AMPH: variants seen among roughly 807,000 people sequenced by gnomAD.
AMPH encodes amphiphysin (Stiff-Mann syndrome with breast cancer 128kD autoantigen).
Under a neutral mutation model 99.1 loss-of-function variants are expected in AMPH, and 49 were observed. That is an observed-to-expected ratio of 0.49 (90% confidence interval 0.39 to 0.63). The LOEUF (loss-of-function observed/expected upper bound fraction) is 0.63. Ranked by LOEUF, AMPH falls within the 20% of genes least tolerant of loss-of-function variation. AMPH has a pLI of 0.00. For missense variants in AMPH, 759 were observed against 863.4 expected (o/e 0.88, Z 1.52); for synonymous variants, 314 against 317.3 (o/e 0.99, Z 0.11).
chr7:38,530,621 C>T (rs1303212112), intron 2 of AMPH, among the ~76,000 whole-genome samples: 2 of 152,202 alleles, frequency 1.3e-5, no homozygotes, highest in African/African-American at 2.4e-5. Context: ...AATTAGCACA[C>T]TTGCCACAGG....
intron 1 of AMPH, among the ~76,000 whole-genome samples, chr7:38,597,172 T>C (rs907580824): frequency 5.3e-5 from 8 of 152,238 alleles, no homozygotes; most frequent in African/African-American, 1.4e-4. Flanking sequence ...CAGCCCATGG[T>C]TTTCATACAA....
chr7:38,557,426 T>C (rs1465416262), intron 1 of AMPH, among the ~76,000 whole-genome samples: 3 of 152,164 alleles, frequency 2.0e-5, no homozygotes, highest in Non-Finnish European at 4.4e-5. Flanking sequence ...TTCTCATTGA[T>C]AGTGAGTGAG....
At chr7:38,512,422 A>T (rs888148900) in intron 2 of AMPH, among the ~76,000 whole-genome samples, 51 of 152,330 alleles carry the variant, frequency 3.3e-4, no homozygotes, top group African/African-American at 1.1e-3. Context: ...GGTACAGTCA[A>T]CCTGGGAATC....
In AMPH at chr7:38,591,323, T is replaced by C. The variant is rs187385988; in HGVS notation, c.69+39960A>G. 3.3e-3 allele frequency among the ~76,000 whole-genome samples: 499 copies of C among 151,242 alleles called. 3 individuals carry two copies. The highest frequency in any genetic ancestry group is 0.011 in the African/African-American group (471 of 41,160). On this transcript the variant is annotated intron_variant, in intron 1 of 20. Transcript: ENST00000356264. ...TTTTTTTGAGATGGAGTTCCTCTCT[T>C]GTCACCCAGGCTAGAGTGCAATGGC...
chr7:38,454,791 C>T (rs537091765), intron 11 of AMPH, among the ~76,000 whole-genome samples: 15 of 152,222 alleles, frequency 9.9e-5, no homozygotes, highest in African/African-American at 3.6e-4. Context: ...TATCGAAGTG[C>T]TGGTGAAGCA....
In AMPH at chr7:38,457,247, G is replaced by T. The variant is rs1028514580; in HGVS notation, c.1017+4036C>A. ...GACACTTCCAAAGAAACAAGATAAA[G>T]AATTCAAAATATTGCTTTTAAAGAA... On this transcript the variant is annotated intron_variant, in intron 11 of 20. Coordinates refer to ENST00000356264, the MANE Select transcript of AMPH (RefSeq NM_001635.4). Among the ~76,000 whole-genome samples the T allele has an allele frequency of 1.3e-5, 2 of 152,046 alleles. 1 individual carries two copies. Among genetic ancestry groups the T allele is most frequent in the Admixed American group, 1.3e-4 (2 of 15,268 alleles).
chr7:38,593,122 C>T (rs17498976), intron 1 of AMPH, among the ~76,000 whole-genome samples: 44,532 of 152,098 alleles, frequency 0.29, 6,853 homozygotes, highest in Non-Finnish European at 0.34. Flanking sequence ...ACTTGGCACA[C>T]AGTAGAGGCA....
At chr7:38,417,723 T>C in intron 17 of AMPH, 102 bp downstream of exon 17, 1 of 1,473,102 alleles carries the variant, frequency 6.8e-7, no homozygotes, top group South Asian at 1.3e-5. Flanking sequence ...TGGAGCATGT[T>C]TGGCCCAAGT....
intron 20 of AMPH, 93 bp from the exon 21 acceptor site, chr7:38,385,018 T>C: frequency 8.5e-7 from 1 of 1,181,872 alleles, no homozygotes; most frequent in Non-Finnish European, 1.2e-6. Context: ...ATTAGTGTTG[T>C]GGTTCTGAAC....
rs368891396 is a variant in AMPH, at chr7:38,494,206, G to A, written c.300+227C>T. Among the ~76,000 whole-genome samples, 27 of 152,162 alleles carry A rather than the reference G, an allele frequency of 1.8e-4. 1 individual carries two copies. Among genetic ancestry groups the A allele is most frequent in the South Asian group, 1.2e-3 (6 of 4,824 alleles). The stretch of plus-strand genomic sequence containing the variant: ...ACTCCTGACCTCAGGCAATTCACCC[G>A]CCTCGTCCTCCCAAAGTGTTGGGAT... On this transcript the variant is annotated intron_variant, in intron 4 of 20. Coordinates refer to ENST00000356264, the MANE Select transcript of AMPH (RefSeq NM_001635.4).
At chr7:38,423,358 G>A (rs1204045820) in intron 15 of AMPH, among the ~76,000 whole-genome samples, 1 of 152,152 alleles carries the variant, frequency 6.6e-6, no homozygotes, top group African/African-American at 2.4e-5. Flanking sequence ...CCTCCAAACA[G>A]GAGACCCAGG....
At chr7:38,573,968 C>T (rs1792139984) in intron 1 of AMPH, among the ~76,000 whole-genome samples, 1 of 152,178 alleles carries the variant, frequency 6.6e-6, no homozygotes, top group East Asian at 1.9e-4. Context: ...AGTAACTTGA[C>T]CACTTGCTAA....
At chr7:38,475,808 A>G (rs1393587986) in intron 6 of AMPH, among the ~76,000 whole-genome samples, 1 of 152,236 alleles carries the variant, frequency 6.6e-6, no homozygotes, top group African/African-American at 2.4e-5. Flanking sequence ...TGTGTTATAG[A>G]GCATGCTATA....
intron 2 of AMPH, among the ~76,000 whole-genome samples, chr7:38,524,137 T>A (rs1790075182): frequency 6.6e-6 from 1 of 152,136 alleles, no homozygotes. Context: ...GTAGTAATCT[T>A]CCCAGAAGCT....
At chr7:38,464,255 A>G (rs1787566217) in intron 9 of AMPH, among the ~76,000 whole-genome samples, 1 of 152,120 alleles carries the variant, frequency 6.6e-6, no homozygotes, top group Admixed American at 6.5e-5. Flanking sequence ...TTTTTCATGC[A>G]CTTCATTTTT....
intron 5 of AMPH, among the ~76,000 whole-genome samples, chr7:38,482,943 T>A (rs1788346341): frequency 6.6e-6 from 1 of 152,128 alleles, no homozygotes; most frequent in Non-Finnish European, 1.5e-5. Context: ...AATCAATTTT[T>A]GTTTGTAAGA....
chr7:38,398,820 C>G (rs1039583849), intron 17 of AMPH, among the ~76,000 whole-genome samples: 1 of 152,134 alleles, frequency 6.6e-6, no homozygotes. Flanking sequence ...ATATCCACCC[C>G]CTACGTACCC....
chr7:38,579,208 C>T (rs757507170), intron 1 of AMPH, among the ~76,000 whole-genome samples: 2 of 152,132 alleles, frequency 1.3e-5, no homozygotes, highest in Non-Finnish European at 2.9e-5. Context: ...TGTCCATCAC[C>T]GGTTTCTAGC....
At chr7:38,410,168 C>T (rs1357819735) in intron 17 of AMPH, among the ~76,000 whole-genome samples, 1 of 152,178 alleles carries the variant, frequency 6.6e-6, no homozygotes, top group Admixed American at 6.5e-5. Flanking sequence ...GCTGTTACAC[C>T]TCAAACTGCC....
Sources: gnomAD v4.1 joint callset for allele counts (sites outside exome capture counted in the v4.1 genomes callset) on GRCh38, gnomAD v4.1.1 for gene constraint, MANE v1.5 for transcripts, NCBI Gene and HGNC (gene_info 2026-07-23, HGNC 2026-07-21) for gene names.